Variants in GANC observed in about 807,000 individuals in gnomAD.
GANC encodes glucosidase alpha, neutral C.
GANC carries 117 observed loss-of-function variants against 124.2 expected under a neutral mutation model. The observed-to-expected ratio is 0.94, with a 90% CI of 0.81 to 1.10. The LOEUF is 1.10. Among genes scored for constraint, GANC ranks in the 50% least tolerant of loss-of-function variants. The pLI is 0.00. For missense variants in GANC, 1,140 were observed against 1,095.0 expected (o/e 1.04, Z -0.58); for synonymous variants, 377 against 376.8 (o/e 1.00, Z -0.01).
At chr15:42,334,050 A>C (rs2052265992) in intron 15 of GANC, among the ~76,000 whole-genome samples, 1 of 152,240 alleles carries the variant, frequency 6.6e-6, no homozygotes. Flanking sequence ...TGTGTGGGGA[A>C]AAAAATGAAA....
chr15:42,282,355 A>G (rs1057506861), intron 3 of GANC, among the ~76,000 whole-genome samples: 93 of 152,206 alleles, frequency 6.1e-4, no homozygotes, highest in African/African-American at 2.2e-3. Context: ...AAGAACTTCT[A>G]TTAAAAATGG....
chr15:42,284,240 T>C, intron 3 of GANC: 3 of 549,778 alleles, frequency 5.5e-6, no homozygotes, highest in Middle Eastern at 4.8e-4. Context: ...AATTCTATTA[T>C]GGTCTTTACT....
At chr15:42,316,951 C>T (rs2141052287) in intron 10 of GANC, among the ~76,000 whole-genome samples, 1 of 152,018 alleles carries the variant, frequency 6.6e-6, no homozygotes, top group South Asian at 2.1e-4. Flanking sequence ...ATTAGTAATG[C>T]AACAAAGAGT....
rs1045500564 is a variant in GANC, at chr15:42,273,719, C to T, written c.-763C>T. 1 of 335,948 alleles carries T rather than the reference C, an allele frequency of 3.0e-6. No homozygotes were observed. Among genetic ancestry groups the T allele is most frequent in the Non-Finnish European group, 5.7e-6 (1 of 174,908 alleles). 20.8% of individuals were successfully genotyped at this position (335,948 alleles called of 1,614,324 possible). Reference sequence around the variant, plus strand: ...GGCAGGCACCCCGTGCAGGATTTGGCTCTCTACTTCCGCTCGCCCCAGCCC... The same window carrying T: ...GGCAGGCACCCCGTGCAGGATTTGGTTCTCTACTTCCGCTCGCCCCAGCCC... On this transcript the variant is annotated 5_prime_UTR_variant, in exon 1 of 24. Coordinates refer to ENST00000318010, the MANE Select transcript of GANC (RefSeq NM_198141.3).
intron 2 of GANC, chr15:42,277,915 G>GA (rs59950616): frequency 0.035 from 2,970 of 83,730 alleles, 202 homozygotes; most frequent in African/African-American, 0.11. Context: ...ATGTTCATTT[G>GA]AAAAAAAAAA....
At chr15:42,323,859 G>A (rs1384939984) in intron 11 of GANC, among the ~76,000 whole-genome samples, 1 of 152,094 alleles carries the variant, frequency 6.6e-6, no homozygotes, top group African/African-American at 2.4e-5. Flanking sequence ...AGTAAGCAGG[G>A]AGAGGGAAGA....
At chr15:42,347,960 G>A (rs1356924240) in intron 20 of GANC, 143 bp from the exon 21 acceptor site, 1 of 525,704 alleles carries the variant, frequency 1.9e-6, no homozygotes, top group Non-Finnish European at 3.3e-6. Context: ...CCCCATATTT[G>A]CCATCTCTGT....
rs145567354 is a variant in GANC at position 42,326,326 on chromosome 15, A to G, written c.1322A>G (p.Lys441Arg). The G allele has an allele frequency of 9.5e-5, 154 of 1,613,960 alleles. No homozygotes were observed. In the African/African-American group the frequency reaches 1.7e-3, roughly 18 times the overall value. Residue 441 changes from lysine to arginine, a missense_variant, in exon 12 of 24, where the codon AAG becomes AGG. Physicochemically the swap from Lys to Arg is conservative, Grantham distance 26. Coordinates refer to ENST00000318010, the MANE Select transcript of GANC (RefSeq NM_198141.3). ...GTGGTCATCAGTGATCCCCACATCAAGATTGATCCTGACTACTCAGTATAT... is the reference window on the plus strand; with the variant it reads ...GTGGTCATCAGTGATCCCCACATCAGGATTGATCCTGACTACTCAGTATAT... ...KLVVISDPHI[K>R]IDPDYSVYVK...
chr15:42,336,738 A>G (rs1238999443), intron 15 of GANC, among the ~76,000 whole-genome samples: 1 of 152,254 alleles, frequency 6.6e-6, no homozygotes, highest in Non-Finnish European at 1.5e-5. Context: ...TATGCATCTG[A>G]CAAAGGTCTA....
chr15:42,281,679 CA>C (rs1566948787), intron 3 of GANC, among the ~76,000 whole-genome samples: 1 of 151,396 alleles, frequency 6.6e-6, no homozygotes, highest in East Asian at 1.9e-4. Flanking sequence ...AGACACTGTC[CA>C]AAAAAAATTG....
intron 15 of GANC, among the ~76,000 whole-genome samples, chr15:42,333,327 CA>C (rs566805443): frequency 2.7e-4 from 38 of 138,188 alleles, no homozygotes; most frequent in South Asian, 2.3e-4. Flanking sequence ...AACTCCATCT[CA>C]AAAAAAAAAA....
chr15:42,326,351 T>C lies in GANC; in HGVS notation c.1347T>C (p.Tyr449=), dbSNP rs1302981111. ...AGATTGATCCTGACTACTCAGTATA[T>C]GTGAAGGCCAAAGATCAGGGCTTCT... is the stretch of plus-strand genomic sequence containing the variant. ...HIKIDPDYSV[Y]VKAKDQGFFV... The change falls in exon 12 of 24, where the codon TAT becomes TAC. Residue 449 remains tyrosine (Y), a synonymous_variant. Coordinates refer to ENST00000318010, the MANE Select transcript of GANC (RefSeq NM_198141.3). 1.9e-6 allele frequency: 3 copies of C among 1,614,002 alleles called. No individual in the cohort carries two copies. The highest frequency in any genetic ancestry group is 1.6e-4 in the Middle Eastern group (1 of 6,084).
rs147867002 is a variant in GANC at position 42,330,607 on chromosome 15, G to A, written c.1676G>A (p.Arg559Gln). The A allele has an allele frequency of 1.4e-5, 23 of 1,611,000 alleles. No homozygotes were observed. In the Admixed American group the frequency reaches 1.9e-4, roughly 13 times the overall value. ...GCTACTGCAGAAGGACTGATAAAAC[G>A]ATCTAAAGGGAAGGAGAGACCCTTT... Reference protein sequence around the residue: ...QMATAEGLIKRSKGKERPFVL... With the variant: ...QMATAEGLIKQSKGKERPFVL... Residue 559 changes from arginine to glutamine, a missense_variant, in exon 15 of 24, where the codon CGA becomes CAA. Transcript: ENST00000318010.
chr15:42,310,739 G>A lies in GANC; in HGVS notation c.950G>A (p.Arg317Lys). The A allele has an allele frequency of 2.5e-6, 4 of 1,614,092 alleles. No individual in the cohort carries two copies. The highest frequency in any genetic ancestry group is 3.4e-6 in the Non-Finnish European group (4 of 1,179,934). Residue 317 changes from arginine (R) to lysine (K), a missense_variant, in exon 10 of 24, where the codon AGA becomes AAA. Transcript: ENST00000318010. ...CCAGTTGCTGCTAAACAAAAGGTCA[G>A]ATCTCGCACTCATGTGCACTGGATG... ...MGPVAAKQKVRSRTHVHWMSE... is the reference protein window; with the variant it reads ...MGPVAAKQKVKSRTHVHWMSE...
chr15:42,342,766 T>G (rs1001520124), intron 18 of GANC, among the ~76,000 whole-genome samples: 5 of 152,188 alleles, frequency 3.3e-5, no homozygotes, highest in Admixed American at 6.5e-5. Flanking sequence ...GTGCTTTGAC[T>G]ACTGACACAT....
chr15:42,311,772 C>A (rs1172088453), intron 10 of GANC, among the ~76,000 whole-genome samples: 1 of 152,068 alleles, frequency 6.6e-6, no homozygotes, highest in African/African-American at 2.4e-5. Context: ...CCACCAGGCT[C>A]CTCTTCCAAC....
intron 3 of GANC, 79 bp from the exon 4 acceptor site, chr15:42,287,612 T>C: frequency 6.8e-7 from 1 of 1,463,500 alleles, no homozygotes; most frequent in Non-Finnish European, 9.3e-7. Flanking sequence ...ACAAATACTT[T>C]CCTAATTATT....
At chr15:42,347,520 C>G (rs1036831119) in intron 20 of GANC, among the ~76,000 whole-genome samples, 1 of 152,146 alleles carries the variant, frequency 6.6e-6, no homozygotes, top group Non-Finnish European at 1.5e-5. Flanking sequence ...AATGTAAGAG[C>G]AGCAGTTTCA....
intron 8 of GANC, 89 bp downstream of exon 8, chr15:42,308,407 A>T (rs2052018835): frequency 1.2e-6 from 1 of 811,464 alleles, no homozygotes; most frequent in African/African-American, 1.7e-5. Context: ...AGCCAGTGCT[A>T]ATATGTGCCA....
Sources: gnomAD v4.1 joint callset for allele counts (sites outside exome capture counted in the v4.1 genomes callset) on GRCh38, gnomAD v4.1.1 for gene constraint, MANE v1.5 for transcripts, NCBI Gene and HGNC (gene_info 2026-07-23, HGNC 2026-07-21) for gene names.